TRIM37: variants seen among roughly 807,000 people sequenced by gnomAD.
TRIM37 encodes tripartite motif containing 37.
A neutral mutation model predicts 129.8 loss-of-function variants in TRIM37; 80 were observed. The ratio of observed to expected loss-of-function variants is 0.62; its 90% CI spans 0.51 to 0.74. The LOEUF is 0.74. Among genes scored for constraint, TRIM37 ranks in the 30% least tolerant of loss-of-function variants. The pLI is 0.00. For synonymous variants in TRIM37, 389 were observed against 387.1 expected, an observed-to-expected ratio of 1.00 and a Z score of -0.06; for missense variants, 1,054 against 1,176.5, an observed-to-expected ratio of 0.90 and a Z score of 1.52.
rs1322462207 is a variant in TRIM37 at position 59,057,021 on chromosome 17, G to A, written c.1053C>T (p.Ser351=). Residue 351 remains serine (S), a synonymous_variant, in exon 13 of 24, where the codon TCC becomes TCT. Transcript: ENST00000262294. ...YEYRVEMVHQ[S]CNDPTKNIIR... ...TGATATTTTTTGTAGGATCATTACAGGACTGGTGAACCATCTCTACACGAT... is the reference window on the plus strand; with the variant it reads ...TGATATTTTTTGTAGGATCATTACAAGACTGGTGAACCATCTCTACACGAT... 3 of 1,613,602 alleles carry A rather than the reference G, an allele frequency of 1.9e-6. No homozygotes were observed. The highest frequency in any genetic ancestry group is 3.3e-5 in the Admixed American group (2 of 59,972).
chr17:59,071,681 GC>G (rs2042385315), intron 8 of TRIM37, among the ~76,000 whole-genome samples: 1 of 150,410 alleles, frequency 6.6e-6, no homozygotes, highest in Admixed American at 6.6e-5. Context: ...ACACACACAC[GC>G]ACTATCTGAT....
chr17:59,057,835 A>G (rs1162098677), intron 12 of TRIM37, among the ~76,000 whole-genome samples: 1 of 152,092 alleles, frequency 6.6e-6, no homozygotes. Context: ...AAACAGCAGT[A>G]TTTTGAACGA....
At chr17:59,056,082 T>C (rs777756788) in intron 13 of TRIM37, among the ~76,000 whole-genome samples, 1 of 152,128 alleles carries the variant, frequency 6.6e-6, no homozygotes, top group Non-Finnish European at 1.5e-5. Context: ...CACTGTGAAG[T>C]GAAAAAAATC....
intron 24 of TRIM37, among the ~76,000 whole-genome samples, chr17:58,986,652 A>C (rs1192515959): frequency 6.6e-6 from 1 of 151,630 alleles, no homozygotes; most frequent in Non-Finnish European, 1.5e-5. Flanking sequence ...TGCTGGGATT[A>C]CAGGCGTCGG....
chr17:59,038,037 A>T (rs2038750717), intron 17 of TRIM37, among the ~76,000 whole-genome samples: 1 of 152,194 alleles, frequency 6.6e-6, no homozygotes, highest in South Asian at 2.1e-4. Context: ...TCAACATATC[A>T]ACATGACTTA....
downstream of TRIM37, among the ~76,000 whole-genome samples, chr17:58,994,017 G>A (rs2144217915): frequency 6.6e-6 from 1 of 152,252 alleles, no homozygotes; most frequent in East Asian, 1.9e-4. Context: ...GTTTTTTGTA[G>A]GGCATAGCCT....
At chr17:59,088,429 A>T (rs773939979) in intron 3 of TRIM37, 22 bp from the exon 4 acceptor site, 20 of 1,293,748 alleles carry the variant, frequency 1.5e-5, no homozygotes, top group Non-Finnish European at 2.3e-5. Context: ...ATCCATACAC[A>T]TACACTAATT....
chr17:59,050,426 C>T lies in TRIM37; in HGVS notation c.1314+788G>A, dbSNP rs550580679. ...TAAATTTACAGACCAGGCACAGTGG[C>T]TCACACCTGTAATCCCAGCACTTTG... On this transcript the variant is annotated intron_variant, in intron 14 of 23. Coordinates refer to ENST00000262294, the MANE Select transcript of TRIM37 (RefSeq NM_015294.6). 1.2e-4 allele frequency among the ~76,000 whole-genome samples: 19 copies of T among 152,322 alleles called. No homozygotes were observed. The South Asian group carries it at 3.3e-3, about 27-fold the overall frequency.
In TRIM37 at chr17:59,083,497, C is replaced by G. The variant is rs147422129; in HGVS notation, c.369+505G>C. On this transcript the variant is annotated intron_variant, in intron 5 of 23. Coordinates refer to ENST00000262294, the MANE Select transcript of TRIM37 (RefSeq NM_015294.6). ...CGACTTTAAAATAAAAAAGCTGCTTCTAAGAAAGCTAACTTCAATGCTTCA... is the reference window on the plus strand; with the variant it reads ...CGACTTTAAAATAAAAAAGCTGCTTGTAAGAAAGCTAACTTCAATGCTTCA... Among the ~76,000 whole-genome samples the G allele has an allele frequency of 6.4e-4, 97 of 151,282 alleles. No individual in the cohort carries two copies. In the South Asian group the frequency reaches 0.01, roughly 16 times the overall value.
the TRIM37 span, among the ~76,000 whole-genome samples, chr17:58,971,614 C>T: frequency 6.6e-6 from 1 of 152,202 alleles, no homozygotes; most frequent in African/African-American, 2.4e-5. Context: ...TCTCTTGGCC[C>T]CTTAGCTTAA....
chr17:59,072,727 G>A (rs190961596), intron 8 of TRIM37, among the ~76,000 whole-genome samples: 4 of 146,436 alleles, frequency 2.7e-5, no homozygotes, highest in African/African-American at 1.0e-4. Flanking sequence ...CAGCGTGGGC[G>A]ACAAGGCAAG....
At chr17:59,064,224 G>A in intron 10 of TRIM37, 131 bp downstream of exon 10, 2 of 717,546 alleles carry the variant, frequency 2.8e-6, no homozygotes, top group African/African-American at 1.8e-5. Flanking sequence ...ATTTCTAATA[G>A]GAAACTTATT....
At chr17:58,991,187 A>AG (rs2032364210) in intron 24 of TRIM37, among the ~76,000 whole-genome samples, 1 of 151,480 alleles carries the variant, frequency 6.6e-6, no homozygotes. Flanking sequence ...AAAAAAAAAA[A>AG]AAAAAAGAAA....
At chr17:59,051,901 T>G (rs991505931) in intron 13 of TRIM37, among the ~76,000 whole-genome samples, 1 of 152,158 alleles carries the variant, frequency 6.6e-6, no homozygotes, top group African/African-American at 2.4e-5. Flanking sequence ...CGGCTAATTT[T>G]TTGTAGCAAA....
At position 58,999,111 on chromosome 17, in the gene TRIM37, TGTAC is replaced by T; in HGVS notation, c.*262_*265del. 2 of 1,273,212 alleles carry T rather than the reference TGTAC, an allele frequency of 1.6e-6. No individual in the cohort carries two copies. The highest frequency in any genetic ancestry group is 1.0e-6 in the Non-Finnish European group (1 of 1,003,190). 78.9% of individuals were successfully genotyped at this position (1,273,212 alleles called of 1,614,324 possible). On this transcript the variant is annotated 3_prime_UTR_variant, in exon 24 of 24. Transcript: ENST00000262294. ...TAGTAGACAAACTGCCTTTTGTGAA[TGTAC>T]AAATTTGCTAAATTAATAGAGAACT...
chr17:59,040,254 T>C (rs1439584818), intron 17 of TRIM37, among the ~76,000 whole-genome samples: 1 of 151,968 alleles, frequency 6.6e-6, no homozygotes, highest in African/African-American at 2.4e-5. Flanking sequence ...AACACCCTCA[T>C]TCTGAATCCA....
chr17:59,090,179 A>G (rs1228201049), intron 3 of TRIM37: 1 of 152,164 alleles, frequency 6.6e-6, no homozygotes, highest in East Asian at 1.9e-4. Context: ...TGAAACCAAA[A>G]GTAGAGATAA....
chr17:58,982,532 C>T (rs2031419747), downstream of TRIM37: 1 of 210,046 alleles, frequency 4.8e-6, no homozygotes, highest in Non-Finnish European at 9.7e-6. Flanking sequence ...TACACGTTCC[C>T]CAGGCCCATA....
chr17:59,079,539 T>C (rs1426415612), intron 7 of TRIM37, among the ~76,000 whole-genome samples: 1 of 152,232 alleles, frequency 6.6e-6, no homozygotes. Flanking sequence ...CAAATGGCTA[T>C]GAAAACTTGG....
Sources: gnomAD v4.1 joint callset for allele counts (sites outside exome capture counted in the v4.1 genomes callset) on GRCh38, gnomAD v4.1.1 for gene constraint, MANE v1.5 for transcripts, NCBI Gene and HGNC (gene_info 2026-07-23, HGNC 2026-07-21) for gene names.